PPP2R1B: variants seen among roughly 807,000 people sequenced by gnomAD.
The protein encoded by PPP2R1B is protein phosphatase 2 scaffold subunit Abeta.
A neutral mutation model predicts 72.7 loss-of-function variants in PPP2R1B; 58 were observed. That is an observed-to-expected ratio of 0.80 (90% CI 0.65 to 0.99). The LOEUF is 0.99. Among genes scored for constraint, PPP2R1B ranks in the 50% least tolerant of loss-of-function variants. The probability of loss-of-function intolerance (pLI) is 0.00; values close to 1 mark genes in which losing one functional copy is unlikely to be tolerated. For missense variants in PPP2R1B, 695 were observed against 733.6 expected, an observed-to-expected ratio of 0.95 and a Z score of 0.61; for synonymous variants, 256 against 264.6, an observed-to-expected ratio of 0.97 and a Z score of 0.32.
the PPP2R1B span, chr11:111,720,056 C>G: frequency 6.5e-7 from 1 of 1,542,230 alleles, no homozygotes. Flanking sequence ...ATGTCATACT[C>G]CAATTGCCAA....
chr11:111,749,987 A>G (rs1555047387), intron 10 of PPP2R1B, among the ~76,000 whole-genome samples: 1 of 152,214 alleles, frequency 6.6e-6, no homozygotes, highest in Non-Finnish European at 1.5e-5. Context: ...CCACTCTGAA[A>G]AGTAGATCCA....
At chr11:111,701,572 G>T in the PPP2R1B span, 1 of 1,613,664 alleles carries the variant, frequency 6.2e-7, no homozygotes, top group Non-Finnish European at 8.5e-7. This position sits in a 1 kb window ranked among gnomAD's most constrained non-coding sequence, Gnocchi z 4.2. Flanking sequence ...TTTCATGTCA[G>T]AAGGTAATCA....
downstream of PPP2R1B, chr11:111,722,870 T>A (rs1217289929): frequency 1.1e-6 from 1 of 946,426 alleles, no homozygotes; most frequent in African/African-American, 1.6e-5. This position sits in a 1 kb window ranked among gnomAD's most constrained non-coding sequence, Gnocchi z 4.4. Flanking sequence ...ATAGGTTTTC[T>A]GCGTGTGTCA....
the PPP2R1B span, among the ~76,000 whole-genome samples, chr11:111,699,868 T>G: frequency 6.6e-6 from 1 of 152,230 alleles, no homozygotes; most frequent in East Asian, 1.9e-4. Context: ...TCAATCTGTC[T>G]GGCAGTAGAG....
At chr11:111,735,480 T>A (rs1313596364), downstream of PPP2R1B, among the ~76,000 whole-genome samples, 2 of 152,160 alleles carry the variant, frequency 1.3e-5, no homozygotes, top group East Asian at 3.9e-4. Flanking sequence ...CTGTGTCCCG[T>A]CCAGGAGTGA....
At chr11:111,745,260 C>A (rs1011774478) in intron 11 of PPP2R1B, among the ~76,000 whole-genome samples, 7 of 152,118 alleles carry the variant, frequency 4.6e-5, no homozygotes, top group Non-Finnish European at 8.8e-5. Context: ...CCATGTTGGC[C>A]AGGCTGGTCT....
At chr11:111,743,736 C>T (rs564035941) in intron 11 of PPP2R1B, among the ~76,000 whole-genome samples, 1 of 152,172 alleles carries the variant, frequency 6.6e-6, no homozygotes, top group African/African-American at 2.4e-5. Flanking sequence ...ATGCAAGGAG[C>T]TCACCATATG....
rs928688496 is a variant in PPP2R1B at position 111,738,558 on chromosome 11, G to A, written c.*3038C>T. The stretch of plus-strand genomic sequence containing the variant: ...CTGGACAAGCCAGCTCAAAGGTCAG[G>A]CTGCCGTCTCTGTTGAGTCAGGACA... On this transcript the variant is annotated 3_prime_UTR_variant, in exon 15 of 15. Coordinates refer to ENST00000527614, the MANE Select transcript of PPP2R1B (RefSeq NM_002716.5). 15 of 985,388 alleles carry A rather than the reference G, an allele frequency of 1.5e-5. No homozygotes were observed. Among genetic ancestry groups the A allele is most frequent in the Non-Finnish European group, 7.2e-6 (6 of 829,968 alleles). 61.0% of individuals were successfully genotyped at this position (985,388 alleles called of 1,614,324 possible). A position where few individuals can be genotyped will look rare whatever the true frequency, so the allele number is the denominator to read the frequency against.
chr11:111,743,242 C>T (rs1203856661), intron 12 of PPP2R1B, 134 bp downstream of exon 12: 1 of 944,296 alleles, frequency 1.1e-6, no homozygotes, highest in Non-Finnish European at 1.5e-6. Context: ...TTTCTCTCAT[C>T]TCCTGTCTAT....
At chr11:111,724,431 C>T, downstream of PPP2R1B, 1 of 410,012 alleles carries the variant, frequency 2.4e-6, no homozygotes, top group Non-Finnish European at 4.4e-6. Context: ...AGAAGACATT[C>T]AGACCCAGGT....
chr11:111,757,509 A>G (rs1393495593), intron 5 of PPP2R1B, among the ~76,000 whole-genome samples: 1 of 152,178 alleles, frequency 6.6e-6, no homozygotes, highest in Non-Finnish European at 1.5e-5. Flanking sequence ...CTAATCAACT[A>G]CTGAAATATA....
At chr11:111,758,313 C>G (rs1945198211) in intron 5 of PPP2R1B, among the ~76,000 whole-genome samples, 1 of 152,096 alleles carries the variant, frequency 6.6e-6, no homozygotes, top group Non-Finnish European at 1.5e-5. Flanking sequence ...CAAAGAAGGC[C>G]GGGCACGGTG....
intron 9 of PPP2R1B, 58 bp from the exon 10 acceptor site, chr11:111,752,390 G>A (rs1591695029): frequency 1.3e-6 from 2 of 1,488,352 alleles, no homozygotes; most frequent in East Asian, 2.3e-5. Flanking sequence ...CTGCCCAACA[G>A]TCTCCTGTCA....
At chr11:111,704,228 C>G in the PPP2R1B span, among the ~76,000 whole-genome samples, 2 of 152,182 alleles carry the variant, frequency 1.3e-5, no homozygotes, top group Admixed American at 1.3e-4. Flanking sequence ...TGAGCAGTAG[C>G]TGGGCGTGTG....
chr11:111,720,670 A>G, the PPP2R1B span: 2 of 1,614,110 alleles, frequency 1.2e-6, no homozygotes, highest in Non-Finnish European at 1.7e-6. Context: ...CCAGCCATGC[A>G]GGCTCTGAGC....
intron 9 of PPP2R1B, 58 bp downstream of exon 9, chr11:111,753,385 C>T: frequency 1.3e-6 from 2 of 1,569,072 alleles, no homozygotes; most frequent in Non-Finnish European, 8.6e-7. Context: ...AACCCTAAAC[C>T]AAAATCAAAT....
chr11:111,750,732 T>C (rs1223630128), intron 10 of PPP2R1B, among the ~76,000 whole-genome samples: 4 of 152,300 alleles, frequency 2.6e-5, no homozygotes, highest in African/African-American at 9.6e-5. Context: ...ACTAACATGG[T>C]ATTAGTTAGG....
chr11:111,688,090 C>T, the PPP2R1B span: 6 of 1,613,954 alleles, frequency 3.7e-6, no homozygotes, highest in African/African-American at 2.7e-5. This position sits in a 1 kb window ranked among gnomAD's most constrained non-coding sequence, Gnocchi z 4.2. Flanking sequence ...TTGTCATGGT[C>T]GGAAGATTGT....
At chr11:111,730,998 T>C (rs1591662177) in intron 15 of PPP2R1B, 1 of 152,208 alleles carries the variant, frequency 6.6e-6, no homozygotes, top group African/African-American at 2.4e-5. Context: ...CAGTGGATAA[T>C]ATGTTCTCAT....
Sources: allele counts gnomAD v4.1 joint callset (sites outside exome capture counted in the v4.1 genomes callset), GRCh38; gene constraint gnomAD v4.1.1; non-coding constraint Gnocchi (gnomAD v3.1); transcripts MANE v1.5; gene names NCBI Gene and HGNC (gene_info 2026-07-23, HGNC 2026-07-21).